The following SMOC1 variants were observed in gnomAD, a reference collection of about 807,000 sequenced individuals.
SMOC1 encodes SPARC related modular calcium binding 1, also known as SPARC-related modular calcium-binding protein 1.
In SMOC1, 22 loss-of-function variants were observed where a neutral mutation model predicts 56.3. That is an observed-to-expected ratio of 0.39 (90% CI 0.28 to 0.56). The LOEUF is 0.56. SMOC1 is among the 20% of genes least tolerant of loss of function. The probability of loss-of-function intolerance (pLI) is 0.61; values close to 1 mark genes in which losing one functional copy is unlikely to be tolerated. For missense variants in SMOC1, 509 were observed against 565.4 expected (o/e 0.90, Z 1.01); for synonymous variants, 193 against 215.0 (o/e 0.90, Z 0.89).
intron 3 of SMOC1, among the ~76,000 whole-genome samples, chr14:69,956,893 TG>T (rs1321330958): frequency 2.6e-5 from 4 of 152,216 alleles, no homozygotes; most frequent in African/African-American, 9.6e-5. Context: ...TATCTGGGAA[TG>T]GGACACAGAC....
At chr14:69,999,710 G>A (rs778088452) in intron 7 of SMOC1, among the ~76,000 whole-genome samples, 9 of 152,188 alleles carry the variant, frequency 5.9e-5, no homozygotes, top group Non-Finnish European at 1.2e-4. Flanking sequence ...GGCAACAAAG[G>A]CCTTTTTCTT....
intron 1 of SMOC1, among the ~76,000 whole-genome samples, chr14:69,944,219 G>T (rs1882692752): frequency 6.6e-6 from 1 of 152,200 alleles, no homozygotes; most frequent in African/African-American, 2.4e-5. Context: ...CACAATTATG[G>T]CACAGGCCAC....
chr14:69,897,976 C>A (rs1190927171), intron 1 of SMOC1, among the ~76,000 whole-genome samples: 1 of 152,094 alleles, frequency 6.6e-6, no homozygotes. Flanking sequence ...GGTCTACTGG[C>A]AACAAGTTTC....
At chr14:69,962,525 C>T (rs950848971) in intron 3 of SMOC1, among the ~76,000 whole-genome samples, 2 of 151,892 alleles carry the variant, frequency 1.3e-5, no homozygotes, top group Non-Finnish European at 2.9e-5. Context: ...GTTCTTTTTA[C>T]GTTCTCAATA....
At position 69,953,430 on chromosome 14, in the gene SMOC1, G is replaced by C; in HGVS notation, c.276G>C (p.Gln92His). The C allele has an allele frequency of 1.2e-6, 2 of 1,614,210 alleles. No homozygotes were observed. Among genetic ancestry groups the C allele is most frequent in the Non-Finnish European group, 1.7e-6 (2 of 1,180,006 alleles). ...CCTCTCCTCTTTCAGATGCTGGCCA[G>C]AGCAAGTGTCGCCTGGAGCGGGCTC... ...VHRGRCKDAG[Q>H]SKCRLERAQA... The change falls in exon 3 of 12, where the codon CAG (glutamine) becomes CAC (histidine). Residue 92 changes from glutamine to histidine, a missense_variant. Transcript: ENST00000361956.
At chr14:69,958,706 G>C (rs924921777) in intron 3 of SMOC1, among the ~76,000 whole-genome samples, 2 of 152,142 alleles carry the variant, frequency 1.3e-5, no homozygotes, top group African/African-American at 4.8e-5. Flanking sequence ...TTATTCTAAG[G>C]AAGTAACTAA....
At chr14:70,002,093 G>A (rs1163638564) in intron 7 of SMOC1, among the ~76,000 whole-genome samples, 1 of 152,184 alleles carries the variant, frequency 6.6e-6, no homozygotes. Flanking sequence ...TCTGGCAGTT[G>A]AGCTTTTAGA....
intron 1 of SMOC1, among the ~76,000 whole-genome samples, chr14:69,943,080 AG>A (rs1248046285): frequency 1.3e-5 from 2 of 151,570 alleles, no homozygotes; most frequent in South Asian, 2.1e-4. Context: ...TCCCTTGGGG[AG>A]GGGGTGGTGG....
intron 7 of SMOC1, among the ~76,000 whole-genome samples, chr14:70,004,242 G>T (rs1885071694): frequency 6.6e-6 from 1 of 152,180 alleles, no homozygotes; most frequent in Admixed American, 6.5e-5. Context: ...TTCTCTGTAA[G>T]ATTAGCCTTT....
intron 6 of SMOC1, chr14:69,994,111 T>TTA (rs996135610): frequency 8.5e-6 from 4 of 471,784 alleles, no homozygotes; most frequent in African/African-American, 5.9e-5. Flanking sequence ...CCCATGTTCC[T>TTA]TACCTCCTGG....
chr14:69,934,726 C>T (rs1047033459), intron 1 of SMOC1, among the ~76,000 whole-genome samples: 2 of 152,162 alleles, frequency 1.3e-5, no homozygotes, highest in Non-Finnish European at 2.9e-5. Context: ...ATTTGCTGAG[C>T]CTTTACGTAG....
chr14:69,960,655 C>T (rs940295254), intron 3 of SMOC1, among the ~76,000 whole-genome samples: 12 of 152,198 alleles, frequency 7.9e-5, no homozygotes, highest in African/African-American at 2.9e-4. Flanking sequence ...TCCAGAGCAT[C>T]TCACTACTTG....
intron 3 of SMOC1, among the ~76,000 whole-genome samples, chr14:69,966,129 G>A (rs562328512): frequency 2.0e-5 from 3 of 152,216 alleles, no homozygotes; most frequent in African/African-American, 7.2e-5. Context: ...CTGAGTAAAT[G>A]CTCCTATTTA....
intron 1 of SMOC1, among the ~76,000 whole-genome samples, chr14:69,891,584 T>A (rs1883963557): frequency 6.6e-6 from 1 of 152,028 alleles, no homozygotes; most frequent in African/African-American, 2.4e-5. Context: ...TCTGCTGGCG[T>A]CTCCCTCCTA....
intron 3 of SMOC1, among the ~76,000 whole-genome samples, chr14:69,956,179 C>T (rs1487785025): frequency 3.9e-5 from 6 of 152,082 alleles, no homozygotes; most frequent in Admixed American, 3.9e-4. Flanking sequence ...AGTCAAGAAC[C>T]CCCTCATTTG....
chr14:69,904,723 C>G (rs1939858200), intron 1 of SMOC1, among the ~76,000 whole-genome samples: 1 of 152,226 alleles, frequency 6.6e-6, no homozygotes, highest in Non-Finnish European at 1.5e-5. Context: ...CCACCTGCTG[C>G]TGAGTGCCTT....
intron 1 of SMOC1, among the ~76,000 whole-genome samples, chr14:69,910,495 G>A (rs1884529338): frequency 1.3e-5 from 2 of 152,230 alleles, no homozygotes; most frequent in Non-Finnish European, 2.9e-5. Context: ...CAGGAGGCAT[G>A]AAGCTGGCAA....
intron 1 of SMOC1, chr14:69,885,653 G>A (rs1455266209): frequency 1.4e-6 from 2 of 1,450,204 alleles, no homozygotes; most frequent in Non-Finnish European, 1.9e-6. Flanking sequence ...CAGCTCGATG[G>A]GATCCATGTC....
At chr14:69,976,802 CATT>C (rs1273271013) in intron 4 of SMOC1, among the ~76,000 whole-genome samples, 1 of 152,166 alleles carries the variant, frequency 6.6e-6, no homozygotes, top group Admixed American at 6.5e-5. Flanking sequence ...AAGTATAAAA[CATT>C]ATGCTAAAAC....
Sources: allele counts gnomAD v4.1 joint callset (sites outside exome capture counted in the v4.1 genomes callset), GRCh38; gene constraint gnomAD v4.1.1; transcripts MANE v1.5; gene names NCBI Gene and HGNC (gene_info 2026-07-23, HGNC 2026-07-21).